The following GABRA4 variants were observed in gnomAD, a reference collection of about 807,000 sequenced individuals.
The protein encoded by GABRA4 is gamma-aminobutyric acid type A receptor subunit alpha4.
In GABRA4, 12 loss-of-function variants were observed where a neutral mutation model predicts 49.7. That is an observed-to-expected ratio of 0.24 (90% CI 0.15 to 0.39). The LOEUF (loss-of-function observed/expected upper bound fraction) is 0.39. GABRA4 is among the 10% of genes least tolerant of loss of function. The pLI is 1.00. For synonymous variants in GABRA4, 288 were observed against 240.2 expected, an observed-to-expected ratio of 1.20 and a Z score of -1.84; for missense variants, 506 against 686.0, an observed-to-expected ratio of 0.74 and a Z score of 2.93.
At chr4:46,989,815 A>G (rs998015451) in intron 2 of GABRA4, among the ~76,000 whole-genome samples, 1 of 152,240 alleles carries the variant, frequency 6.6e-6, no homozygotes, top group African/African-American at 2.4e-5. Flanking sequence ...ATCCATATTT[A>G]TAGCCTACTA....
intron 2 of GABRA4, among the ~76,000 whole-genome samples, chr4:46,990,555 G>T (rs527666686): frequency 6.6e-6 from 1 of 152,012 alleles, no homozygotes; most frequent in African/African-American, 2.4e-5. Context: ...TTATGTTTTG[G>T]TATATCAATT....
chr4:46,935,910 ACAAAATGCAATAGAAAAAT>A (rs1160578950), intron 8 of GABRA4, among the ~76,000 whole-genome samples: 79 of 152,068 alleles, frequency 5.2e-4, no homozygotes, highest in African/African-American at 1.7e-3. Context: ...ACAAATAAAT[ACAAAATGCAATAGAAAAAT>A]CAAAATTCAT....
At chr4:46,938,003 C>T (rs750416966) in intron 8 of GABRA4, among the ~76,000 whole-genome samples, 1 of 152,040 alleles carries the variant, frequency 6.6e-6, no homozygotes, top group Non-Finnish European at 1.5e-5. Flanking sequence ...TCAAAGCATG[C>T]ATTTGTTTAA....
chr4:46,931,607 A>G (rs1462066922), intron 8 of GABRA4, among the ~76,000 whole-genome samples: 2 of 152,078 alleles, frequency 1.3e-5, no homozygotes, highest in Admixed American at 6.6e-5. Context: ...TGACCCATCC[A>G]GAGTTGGAGT....
chr4:46,965,105 G>A lies in GABRA4; in HGVS notation c.999C>T (p.Ala333=). Reference sequence around the variant, plus strand: ...AGTTGACAGCAGCAAACTCGATAAGGGCCGAAAATACAAAAGCAAAGCAGA... The same window carrying A: ...AGTTGACAGCAGCAAACTCGATAAGAGCCGAAAATACAAAAGCAAAGCAGA... ...IAVCFAFVFS[A]LIEFAAVNYF... is the part of the protein sequence containing the mutation. The change falls in exon 8 of 9, where the codon GCC becomes GCT. Residue 333 remains alanine (A), a synonymous_variant. Transcript: ENST00000264318. The A allele has an allele frequency of 1.2e-6, 2 of 1,612,054 alleles. No individual in the cohort carries two copies. The highest frequency in any genetic ancestry group is 2.2e-5 in the East Asian group (1 of 44,770).
rs1326460273 is a variant in GABRA4 at position 46,923,686 on chromosome 4, T to A, written c.*4539A>T. ...GATTTGTGGCCCTCCAAACCATAGTTCACACAATAATCAGGTGCTTTCTCT... is the reference window on the plus strand; with the variant it reads ...GATTTGTGGCCCTCCAAACCATAGTACACACAATAATCAGGTGCTTTCTCT... On this transcript the variant is annotated 3_prime_UTR_variant, in exon 9 of 9. Transcript: ENST00000264318. The A allele has an allele frequency of 6.6e-6, 1 of 152,106 alleles. No individual in the cohort carries two copies. Among genetic ancestry groups the A allele is most frequent in the Non-Finnish European group, 1.5e-5 (1 of 67,996 alleles). The allele number at this position is 152,106 out of a possible 1,614,324, so 9.4% of individuals were successfully genotyped here.
chr4:46,955,272 T>C (rs113497907), intron 8 of GABRA4, among the ~76,000 whole-genome samples: 4,402 of 152,196 alleles, frequency 0.029, 77 homozygotes, highest in Middle Eastern at 0.12. Flanking sequence ...TTAATATACA[T>C]AGCCTTCTTA....
intron 8 of GABRA4, among the ~76,000 whole-genome samples, chr4:46,935,363 T>C (rs1450226690): frequency 3.9e-5 from 6 of 152,178 alleles, no homozygotes; most frequent in African/African-American, 1.2e-4. Context: ...AGATAATGCA[T>C]GTAAGGCACT....
chr4:46,940,354 T>C (rs762185058), intron 8 of GABRA4, among the ~76,000 whole-genome samples: 3 of 152,020 alleles, frequency 2.0e-5, no homozygotes, highest in Admixed American at 1.3e-4. Context: ...CTATCTCTTG[T>C]TTCTGATTTG....
At chr4:46,943,565 G>A (rs556719601) in intron 8 of GABRA4, among the ~76,000 whole-genome samples, 1 of 152,058 alleles carries the variant, frequency 6.6e-6, no homozygotes, top group Admixed American at 6.6e-5. Flanking sequence ...CAATTATATG[G>A]CATAGCATTC....
rs1018062278 is a variant in GABRA4 at position 46,923,202 on chromosome 4, T to C, written c.*5023A>G. The C allele has an allele frequency of 6.6e-6, 1 of 151,936 alleles. No homozygotes were observed. Among genetic ancestry groups the C allele is most frequent in the African/African-American group, 2.4e-5 (1 of 41,382 alleles). The allele number at this position is 151,936 out of a possible 1,614,324, so 9.4% of individuals were successfully genotyped here. A position where few individuals can be genotyped will look rare whatever the true frequency, so the allele number is the denominator to read the frequency against. On this transcript the variant is annotated 3_prime_UTR_variant, in exon 9 of 9. Transcript: ENST00000264318. ...AAAAAAAAAATTAACTTAGACAAAA[T>C]TGCAGAAAATTTTCCTGAAATAAAG...
chr4:46,988,041 A>G lies in GABRA4; in HGVS notation c.205+4787T>C, dbSNP rs139030316. Among the ~76,000 whole-genome samples the G allele has an allele frequency of 2.0e-4, 31 of 152,128 alleles. No individual in the cohort carries two copies. The East Asian group carries it at 5.4e-3, about 27-fold the overall frequency. ...CTGGACTCCTCTCACCATCTACATCACACTAACCTATTATCTACCTTCAGA... is the reference window on the plus strand; with the variant it reads ...CTGGACTCCTCTCACCATCTACATCGCACTAACCTATTATCTACCTTCAGA... On this transcript the variant is annotated intron_variant, in intron 2 of 8. Transcript: ENST00000264318.
intron 8 of GABRA4, 107 bp downstream of exon 8, chr4:46,964,863 C>T (rs1389134434): frequency 4.2e-6 from 5 of 1,201,756 alleles, no homozygotes; most frequent in South Asian, 1.6e-5. Flanking sequence ...TTTTAAATGA[C>T]TTACAAGTTG....
intron 8 of GABRA4, among the ~76,000 whole-genome samples, chr4:46,957,087 C>T (rs1722392203): frequency 6.6e-6 from 1 of 151,914 alleles, no homozygotes; most frequent in Non-Finnish European, 1.5e-5. Context: ...ATTTACTGGT[C>T]ACTAAGCACT....
At chr4:46,958,531 T>C (rs1413918777) in intron 8 of GABRA4, among the ~76,000 whole-genome samples, 2 of 151,924 alleles carry the variant, frequency 1.3e-5, no homozygotes, top group East Asian at 1.9e-4. Context: ...AGAGAGTAGG[T>C]ACTCTAAGAA....
rs545737510 is a variant in GABRA4 at position 46,949,705 on chromosome 4, G to C, written c.1134+15265C>G. ...TGAATTTGATAAAATAGATTTGACT[G>C]TGATGCAAGGGATATTACCTATTGC... On this transcript the variant is annotated intron_variant, in intron 8 of 8. Coordinates refer to ENST00000264318, the MANE Select transcript of GABRA4 (RefSeq NM_000809.4). Among the ~76,000 whole-genome samples, 6 of 152,214 alleles carry C rather than the reference G, an allele frequency of 3.9e-5. No homozygotes were observed. In the East Asian group the frequency reaches 1.2e-3, roughly 29 times the overall value.
At chr4:46,936,032 TAAC>T (rs1449612319) in intron 8 of GABRA4, among the ~76,000 whole-genome samples, 3 of 152,096 alleles carry the variant, frequency 2.0e-5, no homozygotes, top group Admixed American at 6.5e-5. Context: ...AAAGTAGCAA[TAAC>T]AACAACAGCC....
chr4:46,957,692 A>G (rs1339327999), intron 8 of GABRA4, among the ~76,000 whole-genome samples: 1 of 151,900 alleles, frequency 6.6e-6, no homozygotes, highest in East Asian at 1.9e-4. Flanking sequence ...CTCAGCCTCC[A>G]TTTCCCTCAC....
intron 8 of GABRA4, among the ~76,000 whole-genome samples, chr4:46,944,600 C>T (rs1007774566): frequency 2.6e-5 from 4 of 152,134 alleles, no homozygotes; most frequent in African/African-American, 9.7e-5. Context: ...GAAATGTGAG[C>T]CATTTTCCCT....
Sources: allele counts gnomAD v4.1 joint callset (sites outside exome capture counted in the v4.1 genomes callset), GRCh38; gene constraint gnomAD v4.1.1; transcripts MANE v1.5; gene names NCBI Gene and HGNC (gene_info 2026-07-23, HGNC 2026-07-21).